Variants in ZNF532 observed in about 807,000 individuals in gnomAD.
ZNF532 encodes the protein zinc finger protein 532.
Under a neutral mutation model 89.3 loss-of-function variants are expected in ZNF532, and 22 were observed. The ratio of observed to expected loss-of-function variants is 0.25; its 90% CI spans 0.18 to 0.35. The LOEUF is 0.35. Ranked by LOEUF, ZNF532 falls within the 10% of genes least tolerant of loss-of-function variation. The pLI is 1.00. For synonymous variants in ZNF532, 606 were observed against 649.6 expected, an observed-to-expected ratio of 0.93 and a Z score of 1.02; for missense variants, 1,132 against 1,643.4, an observed-to-expected ratio of 0.69 and a Z score of 5.38.
intron 8 of ZNF532, 189 bp from the exon 9 acceptor site, chr18:58,981,281 C>A: frequency 1.5e-6 from 1 of 675,152 alleles, no homozygotes; most frequent in Non-Finnish European, 2.6e-6. Flanking sequence ...AAATTAAAGC[C>A]ATCTAGACCT....
At chr18:58,871,538 T>A (rs969025827) in intron 2 of ZNF532, among the ~76,000 whole-genome samples, 2 of 152,258 alleles carry the variant, frequency 1.3e-5, no homozygotes, top group African/African-American at 4.8e-5. Flanking sequence ...CTCACTGTGC[T>A]GTTCTGCCTT....
chr18:58,930,842 T>C lies in ZNF532; in HGVS notation c.2347-3591T>C, dbSNP rs2061902228. On this transcript the variant is annotated intron_variant, in intron 3 of 9. Coordinates refer to ENST00000591808, the MANE Select transcript of ZNF532 (RefSeq NM_001375912.1). ...TAATAGTGTAAATATAAATAGTTGTTATACTGGATTTTTTATTGTTGTATT... is the reference window on the plus strand; with the variant it reads ...TAATAGTGTAAATATAAATAGTTGTCATACTGGATTTTTTATTGTTGTATT... Among the ~76,000 whole-genome samples, 3 of 152,186 alleles carry C rather than the reference T, an allele frequency of 2.0e-5. No individual in the cohort carries two copies. The South Asian group carries it at 6.2e-4, about 31-fold the overall frequency.
intron 2 of ZNF532, among the ~76,000 whole-genome samples, chr18:58,875,107 A>G (rs905348952): frequency 2.0e-5 from 3 of 152,196 alleles, no homozygotes; most frequent in Non-Finnish European, 4.4e-5. Context: ...TATATTGATT[A>G]CATGTTGAAT....
At chr18:58,976,547 A>ATTTT (rs5825310) in intron 7 of ZNF532, among the ~76,000 whole-genome samples, 9 of 150,472 alleles carry the variant, frequency 6.0e-5, no homozygotes, top group African/African-American at 1.7e-4. Context: ...CTTTCAGTTG[A>ATTTT]TTTTTTTTTT....
chr18:58,875,181 C>CT lies in ZNF532; in HGVS notation c.-18+9610dup, dbSNP rs540843616. Among the ~76,000 whole-genome samples, 225 of 149,998 alleles carry CT rather than the reference C, an allele frequency of 1.5e-3. 1 individual carries two copies. Among genetic ancestry groups the CT allele is most frequent in the African/African-American group, 5.1e-3 (210 of 40,922 alleles). On this transcript the variant is annotated intron_variant, in intron 2 of 9. Coordinates refer to ENST00000591808, the MANE Select transcript of ZNF532 (RefSeq NM_001375912.1). ...TTTTCTCTTTTTCAAAAAATTAAAA[C>CT]TTTTTTTTCCTGGAGATGAGTGTCT...
At chr18:58,968,309 A>G (rs577093236) in intron 7 of ZNF532, among the ~76,000 whole-genome samples, 113 of 152,324 alleles carry the variant, frequency 7.4e-4, no homozygotes, top group African/African-American at 2.7e-3. Context: ...AAAATATTTC[A>G]GATTAAAAAC....
intron 7 of ZNF532, chr18:58,964,315 T>C (rs1278599768): frequency 6.6e-6 from 1 of 152,202 alleles, no homozygotes; most frequent in Non-Finnish European, 1.5e-5. Context: ...ATTTGTGATC[T>C]CAAGGTTTTA....
At position 58,985,054 on chromosome 18, in the gene ZNF532, A is replaced by C. The variant is rs1385453913; in HGVS notation, c.*588A>C. On this transcript the variant is annotated 3_prime_UTR_variant, in exon 10 of 10. Transcript: ENST00000591808. ...CCAGTGTGGACGTGCCTTTGTCTTC[A>C]GGCCATGCCGAAGGGTGTTTAAAGC... 6.5e-6 allele frequency: 1 copy of C among 152,826 alleles called. No homozygotes were observed. The highest frequency in any genetic ancestry group is 2.4e-5 in the African/African-American group (1 of 41,414). The allele number at this position is 152,826 out of a possible 1,614,324, so 9.5% of individuals were successfully genotyped here.
rs2068281683 is a variant in ZNF532, at chr18:58,985,272, T to A, written c.*806T>A. ...CAAGGAGGGAAAGTAACGAAAGGGCTGGACTACTATAAAAGTTACAAATAC... is the reference window on the plus strand; with the variant it reads ...CAAGGAGGGAAAGTAACGAAAGGGCAGGACTACTATAAAAGTTACAAATAC... On this transcript the variant is annotated 3_prime_UTR_variant, in exon 10 of 10. Coordinates refer to ENST00000591808, the MANE Select transcript of ZNF532 (RefSeq NM_001375912.1). 6.6e-6 allele frequency: 1 copy of A among 152,348 alleles called. No individual in the cohort carries two copies. Among genetic ancestry groups the A allele is most frequent in the South Asian group, 2.1e-4 (1 of 4,828 alleles). 9.4% of individuals were successfully genotyped at this position (152,348 alleles called of 1,614,324 possible). A position where few individuals can be genotyped will look rare whatever the true frequency, so the allele number is the denominator to read the frequency against.
chr18:58,921,078 G>C (rs1258106461), intron 3 of ZNF532, among the ~76,000 whole-genome samples: 1 of 151,500 alleles, frequency 6.6e-6, no homozygotes, highest in Non-Finnish European at 1.5e-5. Context: ...ATTGGGGCGA[G>C]ATCATATCTC....
Position 58,948,162 on chromosome 18 carries a change from C to T in ZNF532, c.2801C>T (p.Ser934Phe). ...CAACACATTGAAAACCAGAAGGTGT[C>T]TGTTTTCAAGTGTCCAGACTGTTCT... The part of the protein sequence containing the change: ...FDQHIENQKV[S>F]VFKCPDCSLL... Residue 934 changes from serine to phenylalanine, a missense_variant, in exon 6 of 10, where the codon TCT becomes TTT. Coordinates refer to ENST00000591808, the MANE Select transcript of ZNF532 (RefSeq NM_001375912.1). 1 of 1,614,038 alleles carries T rather than the reference C, an allele frequency of 6.2e-7. No individual in the cohort carries two copies. Among genetic ancestry groups the T allele is most frequent in the Non-Finnish European group, 8.5e-7 (1 of 1,179,900 alleles).
chr18:58,869,461 G>A (rs6567031), intron 2 of ZNF532, among the ~76,000 whole-genome samples: 58,340 of 152,042 alleles, frequency 0.38, 12,124 homozygotes, highest in East Asian at 0.62. Context: ...TAATCTCTTC[G>A]GAAACATTTG....
chr18:58,953,961 G>C, intron 7 of ZNF532, 162 bp downstream of exon 7: 1 of 985,306 alleles, frequency 1.0e-6, no homozygotes, highest in Non-Finnish European at 1.2e-6. Flanking sequence ...CTGTGAAATA[G>C]ACCTTTTCAA....
intron 7 of ZNF532, among the ~76,000 whole-genome samples, chr18:58,963,061 G>GT (rs1270358905): frequency 6.6e-6 from 1 of 152,116 alleles, no homozygotes; most frequent in African/African-American, 2.4e-5. Flanking sequence ...CCTTTGTTGA[G>GT]TTTATGTTTT....
At chr18:58,940,134 C>T (rs1435254005) in intron 5 of ZNF532, 1 of 152,084 alleles carries the variant, frequency 6.6e-6, no homozygotes, top group African/African-American at 2.4e-5. Flanking sequence ...ACCTCGTGAT[C>T]CACCTGCCTT....
At chr18:58,961,241 T>G (rs1182252140) in intron 7 of ZNF532, among the ~76,000 whole-genome samples, 1 of 152,254 alleles carries the variant, frequency 6.6e-6, no homozygotes. Flanking sequence ...ATGCTGATGC[T>G]GCTCATCTTG....
rs756247338 is a variant in ZNF532 at position 58,920,587 on chromosome 18, C to T, written c.2300C>T (p.Thr767Ile). Residue 767 changes from threonine to isoleucine, a missense_variant, in exon 3 of 10, where the codon ACA (threonine) becomes ATA (isoleucine). This residue lies in a region of ZNF532 where 100 missense variants were observed against 122.0 expected (regional missense o/e 0.82). Transcript: ENST00000591808. ...LECNEVFQDE[T>I]SLATHFQQAA... ...TGTAATGAAGTCTTCCAGGACGAGA[C>T]ATCACTGGCTACACATTTCCAGCAG... 16 of 1,605,490 alleles carry T rather than the reference C, an allele frequency of 1.0e-5. No homozygotes were observed. Among genetic ancestry groups the T allele is most frequent in the Non-Finnish European group, 3.4e-6 (4 of 1,174,174 alleles).
chr18:58,974,347 A>G (rs1236402508), intron 7 of ZNF532, among the ~76,000 whole-genome samples: 1 of 152,116 alleles, frequency 6.6e-6, no homozygotes, highest in Non-Finnish European at 1.5e-5. Flanking sequence ...CTTAGTAGTT[A>G]TGGTTCTTTT....
chr18:58,960,852 C>G (rs2065277484), intron 7 of ZNF532, among the ~76,000 whole-genome samples: 1 of 151,784 alleles, frequency 6.6e-6, no homozygotes, highest in African/African-American at 2.4e-5. Flanking sequence ...GGAAGAGAAG[C>G]TAGGAGGGAT....
Sources: gnomAD v4.1 joint callset for allele counts (sites outside exome capture counted in the v4.1 genomes callset) on GRCh38, gnomAD v4.1.1 for gene constraint, gnomAD v4.1.1 regional missense constraint, MANE v1.5 for transcripts, NCBI Gene and HGNC (gene_info 2026-07-23, HGNC 2026-07-21) for gene names.